Variants in ADCYAP1R1 observed in about 807,000 individuals in gnomAD.
ADCYAP1R1 encodes pituitary adenylate cyclase-activating polypeptide type I receptor.
A neutral mutation model predicts 67.6 loss-of-function variants in ADCYAP1R1; 44 were observed. The observed-to-expected ratio is 0.65, with a 90% CI of 0.51 to 0.84. The LOEUF is 0.84. ADCYAP1R1 is among the 40% of genes least tolerant of loss of function. The probability of loss-of-function intolerance (pLI) is 0.00; values close to 1 mark genes in which losing one functional copy is unlikely to be tolerated. For missense variants in ADCYAP1R1, 477 were observed against 587.9 expected (o/e 0.81, Z 1.95); for synonymous variants, 222 against 219.6 (o/e 1.01, Z -0.10).
At position 31,102,546 on chromosome 7, in the gene ADCYAP1R1, G is replaced by A. The variant is rs1796481377; in HGVS notation, c.1047-691G>A. On this transcript the variant is annotated intron_variant, in intron 13 of 15. Coordinates refer to ENST00000304166, the MANE Select transcript of ADCYAP1R1 (RefSeq NM_001118.5). This position sits in a 1 kb window ranked among gnomAD's most constrained non-coding sequence, Gnocchi z 4.3. ...GAGAGCTGCCTCAGGAAGCACTGCA[G>A]TCCTCCGGCCCTTCCTCCCCTGCCT... 6.6e-6 allele frequency among the ~76,000 whole-genome samples: 1 copy of A among 152,214 alleles called. No individual in the cohort carries two copies. The highest frequency in any genetic ancestry group is 2.1e-4 in the South Asian group (1 of 4,830).
intron 3 of ADCYAP1R1, among the ~76,000 whole-genome samples, chr7:31,067,423 G>A (rs1794781709): frequency 6.6e-6 from 1 of 152,062 alleles, no homozygotes; most frequent in Admixed American, 6.6e-5. Flanking sequence ...TAAAATGAGT[G>A]GAGTGGGGTG....
chr7:31,095,679 C>A, intron 13 of ADCYAP1R1: 1 of 718,012 alleles, frequency 1.4e-6, no homozygotes, highest in South Asian at 1.5e-5. Context: ...CAAATTTAAG[C>A]CCGCGAGTCC....
In ADCYAP1R1 at chr7:31,086,240, A is replaced by C; in HGVS notation, c.670-144A>C. Reference sequence around the variant, plus strand: ...AGAATCATGGGATGCTGCAATTTTCAACTCTTTGATCCAGGAATATTGACT... The same window carrying C: ...AGAATCATGGGATGCTGCAATTTTCCACTCTTTGATCCAGGAATATTGACT... On this transcript the variant is annotated intron_variant, in intron 9 of 15. Transcript: ENST00000304166. The surrounding 1 kb of genome is among the most constrained non-coding windows in gnomAD (Gnocchi z 5.0). 1.4e-5 allele frequency: 13 copies of C among 908,110 alleles called. No individual in the cohort carries two copies. Among genetic ancestry groups the C allele is most frequent in the African/African-American group, 1.7e-5 (1 of 59,226 alleles). 56.3% of individuals were successfully genotyped at this position (908,110 alleles called of 1,614,324 possible).
At chr7:31,087,759 G>A in intron 12 of ADCYAP1R1, 63 bp downstream of exon 12, 2 of 1,401,276 alleles carry the variant, frequency 1.4e-6, no homozygotes, top group Non-Finnish European at 2.0e-6. Context: ...AGGCACGCGA[G>A]GAAGAGAAAT....
At chr7:31,077,930 G>A (rs1795343147) in intron 3 of ADCYAP1R1, 61 bp from the exon 4 acceptor site, 1 of 1,116,566 alleles carries the variant, frequency 9.0e-7, no homozygotes, top group African/African-American at 1.5e-5. Flanking sequence ...GATGTGTGTG[G>A]TGGTGTGTGT....
intron 11 of ADCYAP1R1, 41 bp from the exon 12 acceptor site, chr7:31,087,586 A>G (rs1795803285): frequency 6.3e-7 from 1 of 1,595,756 alleles, no homozygotes; most frequent in Non-Finnish European, 8.6e-7. Flanking sequence ...TATGCTGCCG[A>G]CTCACAGACG....
chr7:31,084,865 C>T (rs1164189681), intron 8 of ADCYAP1R1, 31 bp downstream of exon 8: 7 of 1,592,818 alleles, frequency 4.4e-6, no homozygotes, highest in Admixed American at 1.7e-5. Context: ...CAAGCAAGCA[C>T]CAGAGCTGGC....
chr7:31,081,563 G>A lies in ADCYAP1R1; in HGVS notation c.287-150G>A, dbSNP rs927270286. On this transcript the variant is annotated intron_variant, in intron 5 of 15. Coordinates refer to ENST00000304166, the MANE Select transcript of ADCYAP1R1 (RefSeq NM_001118.5). ...GGTGTAGTGTGTGAGAAAGGTGCGC[G>A]GCTGCTATGTGTGATATTGCCTCTT... 8.9e-6 allele frequency: 5 copies of A among 562,442 alleles called. No homozygotes were observed. In the East Asian group the frequency reaches 1.5e-4, roughly 17 times the overall value. 34.8% of individuals were successfully genotyped at this position (562,442 alleles called of 1,614,324 possible).
chr7:31,063,055 G>T, intron 1 of ADCYAP1R1, 139 bp from the exon 2 acceptor site: 1 of 602,230 alleles, frequency 1.7e-6, no homozygotes, highest in Non-Finnish European at 3.0e-6. Flanking sequence ...GAGCAAGACG[G>T]ATGCAGGCAG....
intron 3 of ADCYAP1R1, among the ~76,000 whole-genome samples, chr7:31,068,696 G>A (rs1365421298): frequency 6.6e-6 from 1 of 152,192 alleles, no homozygotes; most frequent in Non-Finnish European, 1.5e-5. Context: ...AGGGTGAGGG[G>A]AGGCCCCTGG....
At position 31,073,785 on chromosome 7, in the gene ADCYAP1R1, C is replaced by A. The variant is rs554268164; in HGVS notation, c.158-4206C>A. ...TCTCTTGAGACCCCAGCAATGCAGG[C>A]TAGAGGGCTGGATGGAGGCCTTCAA... On this transcript the variant is annotated intron_variant, in intron 3 of 15. Coordinates refer to ENST00000304166, the MANE Select transcript of ADCYAP1R1 (RefSeq NM_001118.5). Among the ~76,000 whole-genome samples the A allele has an allele frequency of 3.9e-5, 6 of 152,270 alleles. No individual in the cohort carries two copies. In the East Asian group the frequency reaches 1.2e-3, roughly 29 times the overall value.
At chr7:31,072,798 A>T (rs1795043970) in intron 3 of ADCYAP1R1, among the ~76,000 whole-genome samples, 1 of 152,246 alleles carries the variant, frequency 6.6e-6, no homozygotes, top group East Asian at 1.9e-4. Context: ...GGAATTAAGG[A>T]TCTTGAACTG....
At chr7:31,082,807 T>C (rs913597743) in intron 6 of ADCYAP1R1, among the ~76,000 whole-genome samples, 1 of 152,238 alleles carries the variant, frequency 6.6e-6, no homozygotes, top group Non-Finnish European at 1.5e-5. Flanking sequence ...AGAAGGACTG[T>C]TGGAGTCTCC....
chr7:31,096,330 G>A lies in ADCYAP1R1; in HGVS notation c.1046+3595G>A, dbSNP rs1020719580. Among the ~76,000 whole-genome samples the A allele has an allele frequency of 3.3e-5, 5 of 152,126 alleles. No individual in the cohort carries two copies. In the East Asian group the frequency reaches 9.7e-4, roughly 29 times the overall value. ...CATCTCTGGAGATGGCTGTGCCGGG[G>A]CCAGGCAGAAGTGCGGCCAGGCAGC... is the stretch of plus-strand genomic sequence containing the variant. On this transcript the variant is annotated intron_variant, in intron 13 of 15. Transcript: ENST00000304166.
intron 3 of ADCYAP1R1, among the ~76,000 whole-genome samples, chr7:31,065,621 A>T (rs1794704360): frequency 6.6e-6 from 1 of 152,162 alleles, no homozygotes; most frequent in Admixed American, 6.5e-5. Flanking sequence ...CAGTGGCCCC[A>T]TCGAACCCCT....
At chr7:31,065,028 G>A (rs977150165) in intron 3 of ADCYAP1R1, 92 bp downstream of exon 3, 12 of 948,896 alleles carry the variant, frequency 1.3e-5, no homozygotes, top group Non-Finnish European at 1.9e-5. Flanking sequence ...AGTGGTCAAG[G>A]TATGGGTTTC....
intron 11 of ADCYAP1R1, 149 bp downstream of exon 11, chr7:31,087,152 AGCCATG>A: frequency 1.1e-6 from 1 of 923,454 alleles, no homozygotes; most frequent in Non-Finnish European, 1.6e-6. Flanking sequence ...GCACCACCTG[AGCCATG>A]GCCCCATGCA....
At chr7:31,100,592 C>G (rs1796397230) in intron 13 of ADCYAP1R1, among the ~76,000 whole-genome samples, 1 of 152,222 alleles carries the variant, frequency 6.6e-6, no homozygotes, top group Non-Finnish European at 1.5e-5. Flanking sequence ...TTCCCCCACA[C>G]AGGGCAGGGA....
At chr7:31,096,396 C>T (rs1389197124) in intron 13 of ADCYAP1R1, among the ~76,000 whole-genome samples, 1 of 152,186 alleles carries the variant, frequency 6.6e-6, no homozygotes, top group Non-Finnish European at 1.5e-5. Context: ...AGCCTTCCAG[C>T]TCACAAAGCC....
Sources: gnomAD v4.1 joint callset for allele counts (sites outside exome capture counted in the v4.1 genomes callset) on GRCh38, gnomAD v4.1.1 for gene constraint, Gnocchi (gnomAD v3.1) non-coding constraint, MANE v1.5 for transcripts, NCBI Gene and HGNC (gene_info 2026-07-23, HGNC 2026-07-21) for gene names.